Variants in MAST4 observed in about 807,000 individuals in gnomAD.
The protein encoded by MAST4 is microtubule associated serine/threonine kinase family member 4, also known as microtubule-associated serine/threonine-protein kinase 4.
A neutral mutation model predicts 162.7 loss-of-function variants in MAST4; 89 were observed. The ratio of observed to expected loss-of-function variants is 0.55; its 90% CI spans 0.46 to 0.65. The LOEUF (loss-of-function observed/expected upper bound fraction) is 0.65. Among genes scored for constraint, MAST4 ranks in the 30% least tolerant of loss-of-function variants. The pLI, the probability that MAST4 is intolerant of heterozygous loss-of-function variation, is 0.00. For synonymous variants in MAST4, 1,479 were observed against 1,361.1 expected, an observed-to-expected ratio of 1.09 and a Z score of -1.91; for missense variants, 3,153 against 3,374.0, an observed-to-expected ratio of 0.93 and a Z score of 1.62.
At chr5:66,911,337 G>T (rs1420640570) in intron 4 of MAST4, among the ~76,000 whole-genome samples, 4 of 152,156 alleles carry the variant, frequency 2.6e-5, no homozygotes, top group African/African-American at 9.7e-5. Context: ...GGAATCACAT[G>T]CAAATGGTGG....
intron 3 of MAST4, among the ~76,000 whole-genome samples, chr5:66,865,827 C>A (rs1479126166): frequency 6.6e-6 from 1 of 152,136 alleles, no homozygotes; most frequent in Non-Finnish European, 1.5e-5. Context: ...GTAATCCCAG[C>A]ACTTTGGGAG....
At chr5:67,078,912 A>T (rs1762154839) in intron 5 of MAST4, among the ~76,000 whole-genome samples, 2 of 9,126 alleles carry the variant, frequency 2.2e-4, no homozygotes, top group African/African-American at 1.3e-3. Flanking sequence ...TTTTATATAA[A>T]TATATATATA....
intron 3 of MAST4, among the ~76,000 whole-genome samples, chr5:66,878,633 A>G (rs1258171079): frequency 2.0e-5 from 3 of 152,228 alleles, no homozygotes; most frequent in Non-Finnish European, 4.4e-5. Context: ...TCAGGGTTCA[A>G]GAGGAAGGCA....
chr5:66,990,249 A>G (rs1011921967), intron 4 of MAST4, among the ~76,000 whole-genome samples: 9 of 152,212 alleles, frequency 5.9e-5, no homozygotes, highest in African/African-American at 2.2e-4. Flanking sequence ...GGTAAGTACT[A>G]CTATTCCCAT....
chr5:67,074,165 C>T (rs1014856014), intron 5 of MAST4, among the ~76,000 whole-genome samples: 3 of 151,636 alleles, frequency 2.0e-5, no homozygotes, highest in African/African-American at 7.3e-5. Context: ...ACGGACATCT[C>T]AGAAAAGAAA....
At chr5:66,887,734 T>C (rs1425174395) in intron 3 of MAST4, among the ~76,000 whole-genome samples, 1 of 152,182 alleles carries the variant, frequency 6.6e-6, no homozygotes, top group Non-Finnish European at 1.5e-5. Context: ...TGTGAGAAAA[T>C]GTCCCTTTCA....
At chr5:66,781,872 G>C (rs1171114764) in intron 2 of MAST4, among the ~76,000 whole-genome samples, 2 of 152,178 alleles carry the variant, frequency 1.3e-5, no homozygotes, top group African/African-American at 4.8e-5. Context: ...ATTCCCCAGT[G>C]ATAAAGTAGA....
At chr5:67,004,220 CCTTTCCCGTGA>C (rs1751663071) in intron 4 of MAST4, among the ~76,000 whole-genome samples, 2 of 152,036 alleles carry the variant, frequency 1.3e-5, no homozygotes, top group Non-Finnish European at 2.9e-5. Flanking sequence ...CCGCCTGCTC[CCTTTCCCGTGA>C]GCCCCCGCTC....
chr5:66,701,450 C>G (rs1477828147), intron 1 of MAST4, among the ~76,000 whole-genome samples: 1 of 152,170 alleles, frequency 6.6e-6, no homozygotes, highest in Non-Finnish European at 1.5e-5. Flanking sequence ...TTTTCTGTTT[C>G]ACTTCCTTGC....
intron 4 of MAST4, chr5:67,005,023 T>G (rs1409038625): frequency 1.3e-6 from 1 of 775,050 alleles, no homozygotes; most frequent in East Asian, 2.4e-5. Context: ...ATTTTTGGAC[T>G]GTGCTCTCAA....
intron 1 of MAST4, among the ~76,000 whole-genome samples, chr5:66,661,059 T>C (rs143212864): frequency 5.9e-5 from 9 of 152,306 alleles, no homozygotes; most frequent in African/African-American, 2.2e-4. Flanking sequence ...GAGAGTAGTA[T>C]TTCCTCTGAT....
intron 4 of MAST4, among the ~76,000 whole-genome samples, chr5:66,952,854 C>T (rs935624576): frequency 1.3e-5 from 2 of 152,176 alleles, no homozygotes; most frequent in African/African-American, 4.8e-5. Flanking sequence ...TCTAAAGATA[C>T]TGTCTGTTCC....
intron 4 of MAST4, among the ~76,000 whole-genome samples, chr5:67,013,535 G>A (rs1752931757): frequency 6.6e-6 from 1 of 152,172 alleles, no homozygotes; most frequent in Non-Finnish European, 1.5e-5. Context: ...AAATGTTACA[G>A]TGTATGTTTA....
chr5:66,785,483 C>T (rs1051403197), intron 2 of MAST4, among the ~76,000 whole-genome samples: 2 of 152,036 alleles, frequency 1.3e-5, no homozygotes, highest in African/African-American at 4.8e-5. Context: ...TTGATTTTTG[C>T]CCATTTGTGT....
At chr5:67,090,135 A>C in intron 5 of MAST4, 27 bp from the exon 6 acceptor site, 1 of 1,501,422 alleles carries the variant, frequency 6.7e-7, no homozygotes, top group East Asian at 2.3e-5. Flanking sequence ...ATCATGTAGT[A>C]AATTTCTCTC....
rs752988541 is a variant in MAST4 at position 67,142,245 on chromosome 5, C to T, written c.2617+8C>T. 1.2e-5 allele frequency: 19 copies of T among 1,613,060 alleles called. No individual in the cohort carries two copies. Among genetic ancestry groups the T allele is most frequent in the Non-Finnish European group, 1.5e-5 (18 of 1,179,472 alleles). The stretch of plus-strand genomic sequence containing the variant: ...ACACAAGTTATTTTGATAGTATGTG[C>T]TTTATCTGACATAAAACATTGTTTG... On this transcript the variant is annotated splice_region_variant and intron_variant, in intron 20 of 28. Coordinates refer to ENST00000403625, the MANE Select transcript of MAST4 (RefSeq NM_001164664.2).
chr5:66,775,174 C>T (rs964251028), intron 2 of MAST4, among the ~76,000 whole-genome samples: 7 of 151,996 alleles, frequency 4.6e-5, no homozygotes, highest in Non-Finnish European at 1.0e-4. Flanking sequence ...TCACAGTGCT[C>T]TTTGTGGATC....
At chr5:67,135,310 G>T (rs1769474506) in intron 18 of MAST4, among the ~76,000 whole-genome samples, 1 of 152,044 alleles carries the variant, frequency 6.6e-6, no homozygotes, top group East Asian at 1.9e-4. Flanking sequence ...CCTAACTATT[G>T]TATGTGGCCT....
chr5:67,124,412 TTC>T (rs1198468929), intron 14 of MAST4, among the ~76,000 whole-genome samples: 2 of 152,194 alleles, frequency 1.3e-5, no homozygotes, highest in Non-Finnish European at 2.9e-5. Context: ...CTCTTCTTGT[TTC>T]TCTCTGTCTC....
Sources: gnomAD v4.1 joint callset for allele counts (sites outside exome capture counted in the v4.1 genomes callset) on GRCh38, gnomAD v4.1.1 for gene constraint, MANE v1.5 for transcripts, NCBI Gene and HGNC (gene_info 2026-07-23, HGNC 2026-07-21) for gene names.